Variants in CDH9 observed in about 807,000 individuals in gnomAD.
The protein encoded by CDH9 is cadherin-9.
In CDH9, 28 loss-of-function variants were observed where a neutral mutation model predicts 70.9. The ratio of observed to expected loss-of-function variants is 0.40; its 90% CI spans 0.29 to 0.54. The LOEUF is 0.54. Ranked by LOEUF, CDH9 falls within the 20% of genes least tolerant of loss-of-function variation. The probability of loss-of-function intolerance (pLI) is 0.59; values close to 1 mark genes in which losing one functional copy is unlikely to be tolerated. For missense variants in CDH9, 874 were observed against 984.4 expected (o/e 0.89, Z 1.50); for synonymous variants, 409 against 343.1 (o/e 1.19, Z -2.12).
intron 2 of CDH9, among the ~76,000 whole-genome samples, chr5:26,980,259 T>A (rs527493056): frequency 6.6e-6 from 1 of 152,052 alleles, no homozygotes; most frequent in East Asian, 1.9e-4. Flanking sequence ...GGCATCTTCT[T>A]AGATTTGCCT....
At chr5:26,922,746 C>T (rs1173655586) in intron 2 of CDH9, among the ~76,000 whole-genome samples, 1 of 151,822 alleles carries the variant, frequency 6.6e-6, no homozygotes, top group African/African-American at 2.4e-5. Context: ...CTACTCATAT[C>T]TTGACTAGAA....
At position 26,902,537 on chromosome 5, in the gene CDH9, C is replaced by T. The variant is rs867611896; in HGVS notation, c.1192G>A (p.Glu398Lys). The change falls in exon 7 of 12, where the codon GAG (glutamate) becomes AAG (lysine). Residue 398 changes from glutamate to lysine, a missense_variant. By Grantham distance (56) the Glu-to-Lys change is moderately conservative. Transcript: ENST00000231021. ...YLIEVDEDVK[E>K]GSIIGQVTAY... is the part of the protein sequence containing the mutation. ...GTAACCTGTCCAATGATACTGCCCT[C>T]CTTTACATCTTCATCTACTTCTATC... 1.3e-6 allele frequency: 2 copies of T among 1,598,516 alleles called. No homozygotes were observed. Among genetic ancestry groups the T allele is most frequent in the African/African-American group, 1.3e-5 (1 of 74,518 alleles).
intron 2 of CDH9, among the ~76,000 whole-genome samples, chr5:26,947,596 T>A (rs533170823): frequency 6.1e-4 from 93 of 152,282 alleles, no homozygotes; most frequent in African/African-American, 2.2e-3. Flanking sequence ...TGAAAGGACA[T>A]GAGATATTTA....
At position 26,906,806 on chromosome 5, in the gene CDH9, C is replaced by T. The variant is rs1740957107; in HGVS notation, c.556G>A (p.Ala186Thr). The T allele has an allele frequency of 3.1e-6, 5 of 1,613,012 alleles. No homozygotes were observed. Among genetic ancestry groups the T allele is most frequent in the Non-Finnish European group, 3.4e-6 (4 of 1,179,452 alleles). Residue 186 changes from alanine (A) to threonine (T), a missense_variant, in exon 4 of 12, where the codon GCA (alanine) becomes ACA (threonine). Transcript: ENST00000231021. ...CTATTTCCATAGTTGGCGTCATCTG[C>T]ATCTGTTGCAGTTACTTGTATAACA... is the stretch of plus-strand genomic sequence containing the variant. ...TSVIQVTATDADDANYGNSAK... is the reference protein window; with the variant it reads ...TSVIQVTATDTDDANYGNSAK...
At chr5:26,937,026 G>T (rs1741571039) in intron 2 of CDH9, among the ~76,000 whole-genome samples, 1 of 151,966 alleles carries the variant, frequency 6.6e-6, no homozygotes, top group African/African-American at 2.4e-5. Context: ...AAGAAAAATT[G>T]GTAAATTGAA....
At chr5:26,916,612 G>A (rs1216408062) in intron 2 of CDH9, among the ~76,000 whole-genome samples, 2 of 151,872 alleles carry the variant, frequency 1.3e-5, no homozygotes, top group African/African-American at 4.8e-5. Flanking sequence ...TTATTTGAAT[G>A]GTCTCTCTTT....
intron 7 of CDH9, among the ~76,000 whole-genome samples, chr5:26,897,425 A>G (rs762753800): frequency 1.6e-4 from 25 of 152,176 alleles, no homozygotes; most frequent in Non-Finnish European, 2.9e-5. Context: ...CCTCAGTAAT[A>G]TACTGGCAAA....
chr5:26,881,320 G>C lies in CDH9; in HGVS notation c.2186C>G (p.Ala729Gly), dbSNP rs1177065495. ...RLKENDADPSAPPYDSLATYA... is the reference protein window; with the variant it reads ...RLKENDADPSGPPYDSLATYA... ...CGTTGCCAGCGAATCATATGGAGGT[G>C]CACTTGGGTCTGCGTCGTTTTCTTT... The change falls in exon 12 of 12, where the codon GCA (alanine) becomes GGA (glycine). Residue 729 changes from alanine to glycine, a missense_variant. Coordinates refer to ENST00000231021, the MANE Select transcript of CDH9 (RefSeq NM_016279.4). 1.2e-6 allele frequency: 2 copies of C among 1,612,596 alleles called. No homozygotes were observed. The highest frequency in any genetic ancestry group is 2.2e-5 in the South Asian group (2 of 91,044).
At chr5:27,027,237 C>T (rs1314484693) in intron 1 of CDH9, among the ~76,000 whole-genome samples, 1 of 151,932 alleles carries the variant, frequency 6.6e-6, no homozygotes, top group Non-Finnish European at 1.5e-5. Flanking sequence ...ACTTGCAACA[C>T]AAAATTGTTC....
At chr5:26,969,098 C>T (rs547675411) in intron 2 of CDH9, among the ~76,000 whole-genome samples, 1 of 152,230 alleles carries the variant, frequency 6.6e-6, no homozygotes, top group South Asian at 2.1e-4. Context: ...TCATTTTCCA[C>T]AGTGAAGAAA....
At chr5:26,930,848 G>T (rs935404328) in intron 2 of CDH9, among the ~76,000 whole-genome samples, 7 of 151,950 alleles carry the variant, frequency 4.6e-5, no homozygotes, top group African/African-American at 1.7e-4. Context: ...ACATGTTTTA[G>T]AATAGTGTGT....
intron 2 of CDH9, among the ~76,000 whole-genome samples, chr5:26,939,352 C>G (rs1419783638): frequency 6.6e-6 from 1 of 151,580 alleles, no homozygotes; most frequent in East Asian, 1.9e-4. Flanking sequence ...AAACCGTATT[C>G]AGAAGGTAAT....
At chr5:26,907,080 A>C (rs921259881) in intron 3 of CDH9, among the ~76,000 whole-genome samples, 3 of 152,170 alleles carry the variant, frequency 2.0e-5, no homozygotes, top group African/African-American at 7.2e-5. Flanking sequence ...AGTAAGGTGA[A>C]TATAATAAGA....
At chr5:26,934,681 TTAAATGCCA>T (rs933596538) in intron 2 of CDH9, among the ~76,000 whole-genome samples, 6 of 152,136 alleles carry the variant, frequency 3.9e-5, no homozygotes, top group African/African-American at 1.2e-4. Flanking sequence ...AACCAATTCA[TTAAATGCCA>T]TCATCTACCA....
chr5:27,016,363 T>C (rs1743046982), intron 1 of CDH9, among the ~76,000 whole-genome samples: 3 of 151,826 alleles, frequency 2.0e-5, no homozygotes, highest in Non-Finnish European at 4.4e-5. Flanking sequence ...CATCAGAAAA[T>C]GCCACCATGT....
intron 2 of CDH9, among the ~76,000 whole-genome samples, chr5:26,946,944 G>A (rs550974946): frequency 1.3e-5 from 2 of 152,262 alleles, no homozygotes; most frequent in South Asian, 4.1e-4. Flanking sequence ...AATTAACAGT[G>A]GTGAGATGGT....
chr5:26,895,946 C>G (rs1054409443), intron 7 of CDH9, among the ~76,000 whole-genome samples: 11 of 151,976 alleles, frequency 7.2e-5, no homozygotes, highest in Non-Finnish European at 1.2e-4. Flanking sequence ...AATTGGATAT[C>G]TAAGGCTTTT....
At chr5:26,947,408 T>C (rs558490481) in intron 2 of CDH9, among the ~76,000 whole-genome samples, 1 of 152,288 alleles carries the variant, frequency 6.6e-6, no homozygotes, top group African/African-American at 2.4e-5. Flanking sequence ...AATCCAACTG[T>C]TCAATGATGT....
At chr5:27,037,447 T>C (rs777426788) in intron 1 of CDH9, among the ~76,000 whole-genome samples, 140 of 151,962 alleles carry the variant, frequency 9.2e-4, no homozygotes, top group Non-Finnish European at 1.6e-3. Flanking sequence ...ACTTATCTAC[T>C]ACAGTTAATA....
Sources: gnomAD v4.1 joint callset for allele counts (sites outside exome capture counted in the v4.1 genomes callset) on GRCh38, gnomAD v4.1.1 for gene constraint, MANE v1.5 for transcripts, NCBI Gene and HGNC (gene_info 2026-07-23, HGNC 2026-07-21) for gene names.